The following PRUNE1 variants were observed in gnomAD, a reference collection of about 807,000 sequenced individuals.
PRUNE1 encodes exopolyphosphatase PRUNE1.
PRUNE1 carries 25 observed loss-of-function variants against 42.5 expected under a neutral mutation model. That is an observed-to-expected ratio of 0.59 (90% CI 0.43 to 0.82). The LOEUF (loss-of-function observed/expected upper bound fraction) is 0.82. Ranked by LOEUF, PRUNE1 falls within the 40% of genes least tolerant of loss-of-function variation. The pLI, the probability that PRUNE1 is intolerant of heterozygous loss-of-function variation, is 0.00. For missense variants in PRUNE1, 443 were observed against 539.3 expected, an observed-to-expected ratio of 0.82 and a Z score of 1.77; for synonymous variants, 203 against 217.1, an observed-to-expected ratio of 0.93 and a Z score of 0.57.
chr1:151,015,109 C>T, intron 1 of PRUNE1, among the ~76,000 whole-genome samples: 1 of 150,964 alleles, frequency 6.6e-6, no homozygotes, highest in East Asian at 2.0e-4. Flanking sequence ...GGGCGGATCA[C>T]CTGAGGTCAG....
chr1:151,012,504 A>T (rs1033816547), intron 1 of PRUNE1, among the ~76,000 whole-genome samples: 1 of 152,204 alleles, frequency 6.6e-6, no homozygotes, highest in East Asian at 1.9e-4. Context: ...CCATGAAAAG[A>T]CAGGGAGCTC....
At chr1:151,011,879 A>G (rs1673791648) in intron 1 of PRUNE1, among the ~76,000 whole-genome samples, 1 of 151,968 alleles carries the variant, frequency 6.6e-6, no homozygotes, top group Non-Finnish European at 1.5e-5. Flanking sequence ...GCCAGGTTCA[A>G]GTGATTTTCC....
intron 1 of PRUNE1, among the ~76,000 whole-genome samples, chr1:151,016,649 A>G (rs1440975374): frequency 6.6e-6 from 1 of 151,584 alleles, no homozygotes; most frequent in Non-Finnish European, 1.5e-5. Context: ...TTACAGGCGC[A>G]TACCACCATG....
chr1:151,016,874 C>T lies in PRUNE1; in HGVS notation c.40-938C>T, dbSNP rs1032843009. Among the ~76,000 whole-genome samples the T allele has an allele frequency of 8.6e-5, 13 of 151,816 alleles. 1 individual carries two copies. The highest frequency in any genetic ancestry group is 1.8e-4 in the Non-Finnish European group (12 of 67,932). Reference sequence around the variant, plus strand: ...TGCAATCATGATTTAGAAGTGTAAGCATTCGGCCGAGCACGGTGGCTCACG... The same window carrying T: ...TGCAATCATGATTTAGAAGTGTAAGTATTCGGCCGAGCACGGTGGCTCACG... On this transcript the variant is annotated intron_variant, in intron 1 of 7. Transcript: ENST00000271620.
rs1675431447 is a variant in PRUNE1 at position 151,034,290 on chromosome 1, G to A, written c.*56G>A. On this transcript the variant is annotated 3_prime_UTR_variant, in exon 8 of 8. Transcript: ENST00000271620. ...GCTACCTGACTCACTTCAAATGCATGTTTTGAGATGTTTGGAGATTCAGCA... is the reference window on the plus strand; with the variant it reads ...GCTACCTGACTCACTTCAAATGCATATTTTGAGATGTTTGGAGATTCAGCA... 2.0e-6 allele frequency: 3 copies of A among 1,510,422 alleles called. No homozygotes were observed. Among genetic ancestry groups the A allele is most frequent in the African/African-American group, 2.7e-5 (2 of 72,820 alleles). The allele number at this position is 1,510,422 out of a possible 1,614,324, so 93.6% of individuals were successfully genotyped here.
chr1:151,027,646 A>G (rs1465471944), intron 6 of PRUNE1, among the ~76,000 whole-genome samples: 1 of 145,818 alleles, frequency 6.9e-6, no homozygotes, highest in Non-Finnish European at 1.5e-5. Context: ...CAGTGGTACC[A>G]TCATGGCTCA....
chr1:151,022,000 G>A (rs1212332449), intron 3 of PRUNE1, among the ~76,000 whole-genome samples: 1 of 149,306 alleles, frequency 6.7e-6, no homozygotes, highest in Non-Finnish European at 1.5e-5. Flanking sequence ...TGTCTCTCTC[G>A]CTCTGTCTCC....
chr1:151,021,852 G>A (rs587685679), intron 3 of PRUNE1, among the ~76,000 whole-genome samples: 15 of 151,612 alleles, frequency 9.9e-5, no homozygotes, highest in African/African-American at 3.6e-4. Context: ...GTTTTTAGTA[G>A]AGATGGGGCT....
At chr1:151,027,747 A>AGTGTGTGTGT (rs3034003) in intron 6 of PRUNE1, among the ~76,000 whole-genome samples, 139 of 130,944 alleles carry the variant, frequency 1.1e-3, no homozygotes, top group South Asian at 3.6e-3. Flanking sequence ...ACACCTAACT[A>AGTGTGTGTGT]GTGTGTGTGT....
intron 7 of PRUNE1, among the ~76,000 whole-genome samples, chr1:151,031,757 C>A (rs1185450835): frequency 6.6e-6 from 1 of 152,094 alleles, no homozygotes; most frequent in African/African-American, 2.4e-5. Flanking sequence ...TAGATAAATT[C>A]TAGTTCCATC....
chr1:151,034,371 G>GA lies in PRUNE1; in HGVS notation c.*144dup, dbSNP rs1675435216. On this transcript the variant is annotated 3_prime_UTR_variant, in exon 8 of 8. Transcript: ENST00000271620. The stretch of plus-strand genomic sequence containing the variant: ...TACTGTTCTCATAAAACTGAGAGGA[G>GA]AAAAAAAGTGAAAGAAAGCAGCTGC... 2.2e-6 allele frequency: 2 copies of GA among 896,428 alleles called. No individual in the cohort carries two copies. Among genetic ancestry groups the GA allele is most frequent in the Admixed American group, 2.9e-5 (1 of 35,042 alleles). The allele number at this position is 896,428 out of a possible 1,614,324, so 55.5% of individuals were successfully genotyped here.
chr1:151,034,241 A>G lies in PRUNE1; in HGVS notation c.*7A>G, dbSNP rs1675428077. The G allele has an allele frequency of 6.2e-7, 1 of 1,600,308 alleles. No homozygotes were observed. ...CTCCCTGTCCAAGAAGTGACTGTTG[A>G]GAGGCGAGGAGGTAGTGGGTGAGGC... On this transcript the variant is annotated 3_prime_UTR_variant, in exon 8 of 8. Transcript: ENST00000271620.
chr1:151,014,312 T>C (rs1307807863), intron 1 of PRUNE1, among the ~76,000 whole-genome samples: 1 of 152,064 alleles, frequency 6.6e-6, no homozygotes, highest in Non-Finnish European at 1.5e-5. Context: ...CTTAGAGAAA[T>C]AGGCATGGGG....
rs1053207964 is a variant in PRUNE1 at position 151,028,926 on chromosome 1, T to C, written c.915T>C (p.His305=). The C allele has an allele frequency of 1.2e-6, 2 of 1,613,748 alleles. No homozygotes were observed. Among genetic ancestry groups the C allele is most frequent in the African/African-American group, 1.3e-5 (1 of 75,026 alleles). ...GGCAGTTGGCTATTTTCTGTCCCCA[T>C]GTGGCACTCCAAACAACGGTGAGTC... ...PVRQLAIFCP[H]VALQTTICEV... Residue 305 remains histidine, a synonymous_variant, in exon 7 of 8, where the codon CAT becomes CAC. Coordinates refer to ENST00000271620, the MANE Select transcript of PRUNE1 (RefSeq NM_021222.3).
intron 1 of PRUNE1, among the ~76,000 whole-genome samples, chr1:151,012,757 G>T (rs188760144): frequency 2.0e-5 from 3 of 152,008 alleles, no homozygotes; most frequent in African/African-American, 7.2e-5. Flanking sequence ...AATTGGTTAC[G>T]ATATTATTCT....
chr1:151,035,079 T>C lies in PRUNE1; in HGVS notation c.*845T>C, dbSNP rs1303769303. 1.3e-5 allele frequency: 2 copies of C among 152,236 alleles called. No individual in the cohort carries two copies. Among genetic ancestry groups the C allele is most frequent in the Admixed American group, 1.3e-4 (2 of 15,280 alleles). 9.4% of individuals were successfully genotyped at this position (152,236 alleles called of 1,614,324 possible). A position where few individuals can be genotyped will look rare whatever the true frequency, so the allele number is the denominator to read the frequency against. On this transcript the variant is annotated 3_prime_UTR_variant, in exon 8 of 8. Transcript: ENST00000271620. ...ATCAATTTCTTGTCAATCTCTTTTT[T>C]TCCTTGCTCACATTAAAAGGAAGCA...
intron 1 of PRUNE1, among the ~76,000 whole-genome samples, chr1:151,014,866 A>T (rs766309901): frequency 2.0e-5 from 3 of 152,190 alleles, no homozygotes; most frequent in African/African-American, 4.8e-5. Context: ...CCTGCCAAAT[A>T]TCCTATAATG....
chr1:151,030,492 CTGTT>C (rs1010997521), intron 7 of PRUNE1, among the ~76,000 whole-genome samples: 3 of 151,806 alleles, frequency 2.0e-5, no homozygotes, highest in South Asian at 2.1e-4. Context: ...GCAGTTTTGT[CTGTT>C]TGTTTGTTTT....
chr1:151,030,942 T>A (rs983813712), intron 7 of PRUNE1, among the ~76,000 whole-genome samples: 2 of 152,164 alleles, frequency 1.3e-5, no homozygotes, highest in Non-Finnish European at 2.9e-5. Flanking sequence ...AAACGTAATA[T>A]CATGTGTAAA....
Sources: allele counts gnomAD v4.1 joint callset (sites outside exome capture counted in the v4.1 genomes callset), GRCh38; gene constraint gnomAD v4.1.1; transcripts MANE v1.5; gene names NCBI Gene and HGNC (gene_info 2026-07-23, HGNC 2026-07-21).